Variants in ACSL4 observed in about 807,000 individuals in gnomAD.
The protein encoded by ACSL4 is long-chain-fatty-acid--CoA ligase 4.
In ACSL4, 9 loss-of-function variants were observed where a neutral mutation model predicts 49.1. The ratio of observed to expected loss-of-function variants is 0.18; its 90% confidence interval spans 0.11 to 0.32. ACSL4 has a LOEUF of 0.32. ACSL4 is among the 10% of genes least tolerant of loss of function. ACSL4 has a pLI of 1.00. For missense variants in ACSL4, 333 were observed against 493.7 expected (o/e 0.67, Z 3.08); for synonymous variants, 191 against 170.3 (o/e 1.12, Z -0.95).
At chrX:109,715,644 TATAG>T (rs780570219) in intron 1 of ACSL4, among the ~76,000 whole-genome samples, 3 of 110,011 alleles carry the variant, frequency 2.7e-5, no homozygotes, top group East Asian at 2.8e-4. Flanking sequence ...TATATATATA[TATAG>T]AGAGAGATCA....
chrX:109,664,271 T>C (rs984399124), intron 12 of ACSL4, among the ~76,000 whole-genome samples: 10 of 111,604 alleles, frequency 9.0e-5, no homozygotes, highest in African/African-American at 3.3e-4. Flanking sequence ...AAAACTGACA[T>C]TAAGGCCCAG....
At chrX:109,704,108 T>G (rs1211297923) in intron 1 of ACSL4, among the ~76,000 whole-genome samples, 1 of 111,108 alleles carries the variant, frequency 9.0e-6, no homozygotes, top group Non-Finnish European at 1.9e-5. Flanking sequence ...GAAGTATGAT[T>G]ATTAGGTCAC....
intron 13 of ACSL4, among the ~76,000 whole-genome samples, chrX:109,662,169 TTAAAA>T (rs770281682): frequency 3.6e-5 from 4 of 111,455 alleles, no homozygotes; most frequent in Non-Finnish European, 7.6e-5. Context: ...CATTATCTTG[TTAAAA>T]TGACAGTTCT....
At chrX:109,699,544 T>C (rs1342453037) in intron 1 of ACSL4, among the ~76,000 whole-genome samples, 2 of 111,761 alleles carry the variant, frequency 1.8e-5, no homozygotes, top group Non-Finnish European at 3.8e-5. Context: ...CATTTCAATG[T>C]TTAGAAATGT....
intron 9 of ACSL4, 136 bp downstream of exon 9, chrX:109,674,266 T>G: frequency 1.8e-6 from 1 of 569,087 alleles, no homozygotes; most frequent in Non-Finnish European, 2.9e-6. Context: ...ATGAACACAT[T>G]TGCTGTGATT....
rs1934446165 is a variant in ACSL4 at position 109,641,548 on chromosome X, T to C, written c.*2481A>G. The C allele has an allele frequency of 8.9e-6, 1 of 112,871 alleles. No homozygotes were observed. Among genetic ancestry groups the C allele is most frequent in the Admixed American group, 9.4e-5 (1 of 10,670 alleles). 9.3% of individuals were successfully genotyped at this position (112,871 alleles called of 1,213,427 possible). Reference sequence around the variant, plus strand: ...AATCCAAAACACCACACAATCTTTATCTGTTCTCATCTTGTTACCTTAGAA... The same window carrying C: ...AATCCAAAACACCACACAATCTTTACCTGTTCTCATCTTGTTACCTTAGAA... On this transcript the variant is annotated 3_prime_UTR_variant, in exon 16 of 16. Coordinates refer to ENST00000672401, the MANE Select transcript of ACSL4 (RefSeq NM_001318510.2).
intron 1 of ACSL4, among the ~76,000 whole-genome samples, chrX:109,701,757 G>GGTGGTTTC (rs1446907265): frequency 5.6e-5 from 5 of 88,576 alleles, no homozygotes; most frequent in African/African-American, 2.1e-4. Flanking sequence ...TGTTAGCCAG[G>GGTGGTTTC]GTGGTTTCGA....
In ACSL4 at chrX:109,642,439, T is replaced by A. The variant is rs1419105845; in HGVS notation, c.*1590A>T. 9.0e-6 allele frequency: 1 copy of A among 111,679 alleles called. No individual in the cohort carries two copies. Among genetic ancestry groups the A allele is most frequent in the African/African-American group, 3.3e-5 (1 of 30,683 alleles). The allele number at this position is 111,679 out of a possible 1,213,427, so 9.2% of individuals were successfully genotyped here. On this transcript the variant is annotated 3_prime_UTR_variant, in exon 16 of 16. Transcript: ENST00000672401. ...ACAGAAATCTTTACAAAAACCTTCA[T>A]TCTTGTTTATAATACTTGATTTTTC...
intron 15 of ACSL4, among the ~76,000 whole-genome samples, chrX:109,644,729 C>G (rs1158744212): frequency 8.9e-6 from 1 of 112,443 alleles, no homozygotes; most frequent in African/African-American, 3.2e-5. Flanking sequence ...GCCTGAGCGA[C>G]ACAGAAGACG....
intron 15 of ACSL4, among the ~76,000 whole-genome samples, chrX:109,645,785 A>C (rs1178514518): frequency 1.8e-5 from 2 of 111,932 alleles, no homozygotes; most frequent in Non-Finnish European, 3.8e-5. Context: ...AAAAATTTAG[A>C]AGAATGTATA....
intron 4 of ACSL4, among the ~76,000 whole-genome samples, chrX:109,682,126 A>G (rs1188660021): frequency 8.9e-6 from 1 of 112,132 alleles, no homozygotes; most frequent in East Asian, 2.8e-4. Flanking sequence ...TTGAAATTTA[A>G]GCTCTATAAT....
chrX:109,720,659 T>G (rs747031832), intron 1 of ACSL4, among the ~76,000 whole-genome samples: 4 of 112,134 alleles, frequency 3.6e-5, no homozygotes, highest in Middle Eastern at 4.6e-3. Context: ...GTTGCTATAA[T>G]TCACCAATAC....
intron 1 of ACSL4, among the ~76,000 whole-genome samples, chrX:109,704,932 T>C (rs934568817): frequency 6.5e-5 from 7 of 107,548 alleles, no homozygotes; most frequent in Non-Finnish European, 1.2e-4. Flanking sequence ...TTTTCATCTC[T>C]CTCTCTCTCA....
chrX:109,726,543 A>G (rs1928010587), intron 1 of ACSL4, among the ~76,000 whole-genome samples: 1 of 112,878 alleles, frequency 8.9e-6, no homozygotes, highest in African/African-American at 3.2e-5. Context: ...CTGGAGATCA[A>G]CCAACTAATA....
intron 1 of ACSL4, among the ~76,000 whole-genome samples, chrX:109,715,405 G>A (rs1346924665): frequency 9.0e-6 from 1 of 111,106 alleles, no homozygotes. Flanking sequence ...TTGGGAGGCT[G>A]AGGTGGGAGG....
intron 13 of ACSL4, among the ~76,000 whole-genome samples, chrX:109,662,826 A>G (rs1323608989): frequency 1.8e-5 from 2 of 111,259 alleles, no homozygotes; most frequent in African/African-American, 6.5e-5. Context: ...ATGTTATAGG[A>G]AACAGTTATA....
chrX:109,646,972 A>G (rs2147354301), intron 15 of ACSL4, among the ~76,000 whole-genome samples: 1 of 112,204 alleles, frequency 8.9e-6, no homozygotes, highest in East Asian at 2.8e-4. Context: ...AGAAGAGCTA[A>G]CTATCCTAAA....
At position 109,648,777 on chromosome X, in the gene ACSL4, C is replaced by G. The variant is rs762927881; in HGVS notation, c.1856-4591G>C. 4.4e-3 allele frequency among the ~76,000 whole-genome samples: 448 copies of G among 101,398 alleles called. 3 individuals are homozygous for G. The highest frequency in any genetic ancestry group is 6.7e-3 in the Non-Finnish European group (331 of 49,755). The allele number at this position is 101,398 out of a possible 115,157, so 88.1% of individuals were successfully genotyped here. On this transcript the variant is annotated intron_variant, in intron 15 of 15. Transcript: ENST00000672401. ...ACATGATTGTATATCTAGAAAACCC[C>G]ATTGTCTCAGCCCAAAATCTCCTTA...
intron 8 of ACSL4, among the ~76,000 whole-genome samples, chrX:109,676,234 C>T (rs1429366268): frequency 1.9e-5 from 2 of 106,095 alleles, no homozygotes; most frequent in African/African-American, 6.9e-5. Flanking sequence ...AATATTTGTG[C>T]ACTTTAAGTC....
Sources: allele counts gnomAD v4.1 joint callset (sites outside exome capture counted in the v4.1 genomes callset), GRCh38; gene constraint gnomAD v4.1.1; transcripts MANE v1.5; gene names NCBI Gene and HGNC (gene_info 2026-07-23, HGNC 2026-07-21).